Variants in SMARCC2 observed in about 807,000 individuals in gnomAD.
The protein encoded by SMARCC2 is SWI/SNF related BAF chromatin remodeling complex subunit C2, also known as SWI/SNF complex subunit SMARCC2.
SMARCC2 carries 15 observed loss-of-function variants against 151.3 expected under a neutral mutation model. That is an observed-to-expected ratio of 0.10 (90% CI 0.07 to 0.15). The LOEUF (loss-of-function observed/expected upper bound fraction) is 0.15. SMARCC2 is among the 10% of genes least tolerant of loss of function. SMARCC2 has a pLI of 1.00. For synonymous variants in SMARCC2, 590 were observed against 609.5 expected (o/e 0.97, Z 0.47); for missense variants, 1,031 against 1,599.7 (o/e 0.64, Z 6.06).
At chr12:56,185,711 C>CA (rs1565923907) in intron 3 of SMARCC2, 1 of 169,454 alleles carries the variant, frequency 5.9e-6, no homozygotes, top group Non-Finnish European at 1.3e-5. Flanking sequence ...CTCCTGACCT[C>CA]AAATGATCCA....
rs773351579 is a variant in SMARCC2, at chr12:56,181,751, G to A, written c.793C>T (p.Pro265Ser). 2.2e-5 allele frequency: 36 copies of A among 1,614,002 alleles called. No individual in the cohort carries two copies. Among genetic ancestry groups the A allele is most frequent in the African/African-American group, 4.0e-5 (3 of 74,886 alleles). The change falls in exon 9 of 29, where the codon CCT (proline) becomes TCT (serine). Residue 265 changes from proline to serine, a missense_variant. By Grantham distance (74) the Pro-to-Ser change is moderately conservative (BLOSUM62 -1). Coordinates refer to ENST00000550164, the MANE Select transcript of SMARCC2 (RefSeq NM_001330288.2). ...EDYEVNDDKN[P>S]VSRRKKISAK... ...GAAATCTTCTTTCGGCGGGAGACAG[G>A]GTTTTTGTCATCATTTACTTCATAG...
rs76701112 is a variant in SMARCC2 at position 56,164,699 on chromosome 12, G to A, written c.3265C>T (p.Pro1089Ser). The A allele has an allele frequency of 7.2e-4, 1,168 of 1,611,364 alleles. 3 individuals carry two copies. In the African/African-American group the frequency reaches 0.01, roughly 14 times the overall value. Residue 1089 changes from proline (P) to serine (S), a missense_variant, in exon 28 of 29, where the codon CCC (proline) becomes TCC (serine). This residue lies in a region of SMARCC2 where 310 missense variants were observed against 350.0 expected (regional missense o/e 0.89). Coordinates refer to ENST00000550164, the MANE Select transcript of SMARCC2 (RefSeq NM_001330288.2). ...GGCACTGCCCCTGGCATCATTGAGGGAGGAGTTTGTTGGTTGGGGAACGGT... is the reference window on the plus strand; with the variant it reads ...GGCACTGCCCCTGGCATCATTGAGGAAGGAGTTTGTTGGTTGGGGAACGGT... ...PSPFPNQQTP[P>S]SMMPGAVPGS...
intron 22 of SMARCC2, 84 bp from the exon 23 acceptor site, chr12:56,170,292 C>A: frequency 4.9e-6 from 6 of 1,236,326 alleles, no homozygotes; most frequent in South Asian, 1.2e-5. Context: ...TTTTTAGAGA[C>A]AGGGTCTTGC....
At position 56,172,622 on chromosome 12, in the gene SMARCC2, C is replaced by T. The variant is rs1006733311; in HGVS notation, c.1826G>A (p.Arg609His). Residue 609 changes from arginine (R) to histidine (H), a missense_variant, in exon 19 of 29, where the codon CGC (arginine) becomes CAC (histidine). Arg to His is a conservative substitution (Grantham distance 29, BLOSUM62 0). Coordinates refer to ENST00000550164, the MANE Select transcript of SMARCC2 (RefSeq NM_001330288.2). Reference sequence around the variant, plus strand: ...ATTCTTTTTTGTGTACATGTCTGTGCGCAGCCCAAAGTTTTGCATGTCTGT... The same window carrying T: ...ATTCTTTTTTGTGTACATGTCTGTGTGCAGCCCAAAGTTTTGCATGTCTGT... ...KPTDMQNFGL[R>H]TDMYTKKNVP... 2 of 1,614,202 alleles carry T rather than the reference C, an allele frequency of 1.2e-6. No individual in the cohort carries two copies. The highest frequency in any genetic ancestry group is 1.1e-5 in the South Asian group (1 of 91,082).
chr12:56,178,902 C>T (rs988741250), intron 12 of SMARCC2, 55 bp from the exon 13 acceptor site: 51 of 1,605,844 alleles, frequency 3.2e-5, no homozygotes, highest in Non-Finnish European at 4.2e-5. Flanking sequence ...GCAAGAAAGC[C>T]CTACCAAAAG....
rs569980958 is a variant in SMARCC2 at position 56,162,508 on chromosome 12, G to A, written c.*1181C>T. The A allele has an allele frequency of 3.7e-3, 2,055 of 560,536 alleles. 7 individuals are homozygous for A. Among genetic ancestry groups the A allele is most frequent in the Non-Finnish European group, 5.3e-3 (1,699 of 320,566 alleles). The allele number at this position is 560,536 out of a possible 1,614,324, so 34.7% of individuals were successfully genotyped here. On this transcript the variant is annotated 3_prime_UTR_variant, in exon 29 of 29. Transcript: ENST00000550164. ...ATGAGGAACAAAGGGCCTGGTGGGA[G>A]GAACCAAGAAGAACCAGTGCAGAGC...
chr12:56,168,928 C>T (rs188619201), intron 25 of SMARCC2, among the ~76,000 whole-genome samples: 198 of 151,850 alleles, frequency 1.3e-3, no homozygotes, highest in African/African-American at 4.5e-3. Context: ...TGCAGTGAGC[C>T]GAGATTGTGC....
chr12:56,165,003 G>A (rs1019474387), intron 27 of SMARCC2, among the ~76,000 whole-genome samples: 1 of 152,122 alleles, frequency 6.6e-6, no homozygotes, highest in African/African-American at 2.4e-5. Flanking sequence ...GGCCAGGATG[G>A]TCTCAATCTC....
At position 56,163,579 on chromosome 12, in the gene SMARCC2, C is replaced by T. The variant is rs1466590308; in HGVS notation, c.*110G>A. 7.1e-6 allele frequency: 4 copies of T among 562,008 alleles called. No individual in the cohort carries two copies. The highest frequency in any genetic ancestry group is 3.2e-5 in the East Asian group (1 of 31,724). 34.8% of individuals were successfully genotyped at this position (562,008 alleles called of 1,614,324 possible). The stretch of plus-strand genomic sequence containing the variant: ...GGAGGGGCGGAAGGAGCTTTCCTTA[C>T]GTAGTGATGAACTCTCCAGGCTGGG... On this transcript the variant is annotated 3_prime_UTR_variant, in exon 29 of 29. Transcript: ENST00000550164.
At chr12:56,181,154 C>T in intron 10 of SMARCC2, 53 bp from the exon 11 acceptor site, 1 of 1,569,994 alleles carries the variant, frequency 6.4e-7, no homozygotes, top group South Asian at 1.2e-5. Context: ...ACAAGGAGTC[C>T]CTGGAAGTTG....
chr12:56,185,230 G>A (rs1765152434), intron 3 of SMARCC2, 119 bp from the exon 4 acceptor site: 2 of 764,978 alleles, frequency 2.6e-6, no homozygotes, highest in South Asian at 1.5e-5. Flanking sequence ...CTAGGCTGGA[G>A]TGCAGTGGCG....
intron 7 of SMARCC2, among the ~76,000 whole-genome samples, chr12:56,182,481 C>T (rs940855348): frequency 2.0e-5 from 3 of 151,662 alleles, no homozygotes; most frequent in East Asian, 1.9e-4. Flanking sequence ...CCTGCCACTG[C>T]GCCCGGCTAA....
At chr12:56,181,859 C>A (rs1199651452) in intron 8 of SMARCC2, 24 bp from the exon 9 acceptor site, 5 of 1,614,102 alleles carry the variant, frequency 3.1e-6, no homozygotes, top group East Asian at 4.5e-5. Flanking sequence ...GCAGATCATG[C>A]TGCAGAGAAG....
In SMARCC2 at chr12:56,171,471, G is replaced by C. The variant is rs769856731; in HGVS notation, c.2186-39C>G. 6.8e-6 allele frequency: 11 copies of C among 1,612,848 alleles called. No homozygotes were observed. Among genetic ancestry groups the C allele is most frequent in the Admixed American group, 1.7e-5 (1 of 59,974 alleles). On this transcript the variant is annotated intron_variant, in intron 21 of 28. Coordinates refer to ENST00000550164, the MANE Select transcript of SMARCC2 (RefSeq NM_001330288.2). The surrounding 1 kb of genome is among the most constrained non-coding windows in gnomAD (Gnocchi z 4.2). ...AAAGAATGAGGCTGGGAGCGGCACA[G>C]TGGAACAGTTCTGGCAATCCCTGCA...
Position 56,171,104 on chromosome 12 carries a change from T to G in SMARCC2, c.2347+167A>C, listed in dbSNP as rs182954888. On this transcript the variant is annotated intron_variant, in intron 22 of 28. Coordinates refer to ENST00000550164, the MANE Select transcript of SMARCC2 (RefSeq NM_001330288.2). This position sits in a 1 kb window ranked among gnomAD's most constrained non-coding sequence, Gnocchi z 4.2. Reference sequence around the variant, plus strand: ...CCCAAAATCTTCATGAGAGGACTAGTAGGGCTCCAGAGCCCCTGAGGTAAA... The same window carrying G: ...CCCAAAATCTTCATGAGAGGACTAGGAGGGCTCCAGAGCCCCTGAGGTAAA... Among the ~76,000 whole-genome samples the G allele has an allele frequency of 3.3e-5, 5 of 152,296 alleles. 1 individual carries two copies. The Middle Eastern group carries it at 0.014, about 414-fold the overall frequency.
Position 56,162,832 on chromosome 12 carries a change from G to C in SMARCC2, c.*857C>G, listed in dbSNP as rs1253167104. ...TTTTAAAACTTCACATCCTCTTATA[G>C]CTCCCTTCTCTGTGCCTTCCAGGAG... On this transcript the variant is annotated 3_prime_UTR_variant, in exon 29 of 29. Coordinates refer to ENST00000550164, the MANE Select transcript of SMARCC2 (RefSeq NM_001330288.2). 1 of 156,160 alleles carries C rather than the reference G, an allele frequency of 6.4e-6. No individual in the cohort carries two copies. The highest frequency in any genetic ancestry group is 1.4e-5 in the Non-Finnish European group (1 of 70,318). The allele number at this position is 156,160 out of a possible 1,614,324, so 9.7% of individuals were successfully genotyped here.
intron 15 of SMARCC2, among the ~76,000 whole-genome samples, chr12:56,176,100 G>A (rs1219112560): frequency 6.6e-6 from 1 of 152,092 alleles, no homozygotes; most frequent in Admixed American, 6.5e-5. Flanking sequence ...CTCGTGATCT[G>A]CCCGCCTGGG....
Position 56,165,714 on chromosome 12 carries a change from TGAG to T in SMARCC2, c.2851-18_2851-16del. ...TGATACTCCAGCTGCCAGTGCCAAT[TGAG>T]TATTGTTATCCAATTTTCAGCAGAT... On this transcript the variant is annotated splice_polypyrimidine_tract_variant and intron_variant, in intron 26 of 28. Transcript: ENST00000550164. 6.2e-7 allele frequency: 1 copy of T among 1,605,636 alleles called. No homozygotes were observed. Among genetic ancestry groups the T allele is most frequent in the Non-Finnish European group, 8.5e-7 (1 of 1,179,652 alleles).
chr12:56,182,162 T>C, intron 7 of SMARCC2, 83 bp from the exon 8 acceptor site: 4 of 940,426 alleles, frequency 4.3e-6, no homozygotes, highest in Non-Finnish European at 4.9e-6. Context: ...ACCCTTTCCA[T>C]TTACAGAAAG....
Sources: allele counts gnomAD v4.1 joint callset (sites outside exome capture counted in the v4.1 genomes callset), GRCh38; gene constraint gnomAD v4.1.1; regional missense constraint gnomAD v4.1.1; non-coding constraint Gnocchi (gnomAD v3.1); transcripts MANE v1.5; gene names NCBI Gene and HGNC (gene_info 2026-07-23, HGNC 2026-07-21).